CCN5: variants seen among roughly 807,000 people sequenced by gnomAD.
CCN5 encodes cellular communication network factor 5.
In CCN5, 17 loss-of-function variants were observed where a neutral mutation model predicts 18.7. The observed-to-expected ratio is 0.91, with a 90% CI of 0.62 to 1.36. The LOEUF (loss-of-function observed/expected upper bound fraction) is 1.36. Ranked by LOEUF, CCN5 falls within the 40% of genes most tolerant of loss-of-function variation. The pLI, the probability that CCN5 is intolerant of heterozygous loss-of-function variation, is 0.00. For missense variants in CCN5, 367 were observed against 342.9 expected (o/e 1.07, Z -0.56); for synonymous variants, 135 against 145.2 (o/e 0.93, Z 0.50).
upstream of CCN5, chr20:44,715,253 G>GTT (rs2065848468): frequency 2.0e-5 from 9 of 439,444 alleles, no homozygotes; most frequent in Non-Finnish European, 3.2e-5. Flanking sequence ...GTGTGTGTGT[G>GTT]TGTGTGTGAG....
intron 2 of CCN5, chr20:44,720,317 A>C: frequency 1.7e-6 from 1 of 602,954 alleles, no homozygotes; most frequent in Non-Finnish European, 2.9e-6. Context: ...AAACCATCTC[A>C]CTACCCCAAT....
chr20:44,717,938 A>G (rs1266323709), intron 1 of CCN5, among the ~76,000 whole-genome samples: 53 of 152,136 alleles, frequency 3.5e-4, no homozygotes, highest in Admixed American at 3.5e-3. Context: ...CGGATTTATT[A>G]TATAAAAATT....
chr20:44,724,630 C>G, intron 2 of CCN5, 108 bp from the exon 3 acceptor site: 1 of 1,532,062 alleles, frequency 6.5e-7, no homozygotes, highest in Non-Finnish European at 8.8e-7. Context: ...TGGGCAGGGC[C>G]CAGCTACTGT....
At chr20:44,724,712 A>C in intron 2 of CCN5, 26 bp from the exon 3 acceptor site, 1 of 1,611,390 alleles carries the variant, frequency 6.2e-7, no homozygotes, top group African/African-American at 1.3e-5. Flanking sequence ...CGGGTCACCG[A>C]TGGGGGTGCG....
At chr20:44,716,388 G>A (rs149174430) in intron 1 of CCN5, among the ~76,000 whole-genome samples, 77 of 152,338 alleles carry the variant, frequency 5.1e-4, no homozygotes, top group African/African-American at 1.8e-3. Flanking sequence ...TGAGGAGCAC[G>A]GGCAGGAGCT....
intron 2 of CCN5, among the ~76,000 whole-genome samples, chr20:44,722,934 C>T (rs560652438): frequency 6.6e-6 from 1 of 152,202 alleles, no homozygotes; most frequent in Non-Finnish European, 1.5e-5. Context: ...TGTCGTTGCC[C>T]CTGGTCTATT....
chr20:44,724,070 T>C (rs2065918458), intron 2 of CCN5: 1 of 152,198 alleles, frequency 6.6e-6, no homozygotes, highest in Non-Finnish European at 1.5e-5. Flanking sequence ...ACCTAGGCCA[T>C]GCCTAGCACT....
In CCN5 at chr20:44,720,272, C is replaced by T. The variant is rs2065890290; in HGVS notation, c.277+159C>T. 6.7e-6 allele frequency: 5 copies of T among 746,238 alleles called. No homozygotes were observed. In the East Asian group the frequency reaches 1.4e-4, roughly 21 times the overall value. 46.2% of individuals were successfully genotyped at this position (746,238 alleles called of 1,614,324 possible). A position where few individuals can be genotyped will look rare whatever the true frequency, so the allele number is the denominator to read the frequency against. On this transcript the variant is annotated intron_variant, in intron 2 of 3. Coordinates refer to ENST00000190983, the MANE Select transcript of CCN5 (RefSeq NM_003881.4). ...TGAACTTGGTGTCCCAAAGCCCACT[C>T]CCCACTCCCTCCTCTCCCTTCTTGG...
At chr20:44,715,583 A>G (rs745430672) in intron 1 of CCN5, 133 bp downstream of exon 1, 74 of 976,600 alleles carry the variant, frequency 7.6e-5, no homozygotes, top group Non-Finnish European at 1.1e-4. Flanking sequence ...TCTGGCCCCC[A>G]TGCCTAAGCA....
chr20:44,727,459 C>T lies in CCN5; in HGVS notation c.*152C>T, dbSNP rs778824284. ...CCACCATGCAGAACACCAATATTAA[C>T]ACGCTGCCTGGTCTGTCTGGATCCC... On this transcript the variant is annotated 3_prime_UTR_variant, in exon 4 of 4. Transcript: ENST00000190983. The T allele has an allele frequency of 7.0e-7, 1 of 1,437,524 alleles. No individual in the cohort carries two copies. The highest frequency in any genetic ancestry group is 9.2e-7 in the Non-Finnish European group (1 of 1,090,512). The allele number at this position is 1,437,524 out of a possible 1,614,324, so 89.0% of individuals were successfully genotyped here. A position where few individuals can be genotyped will look rare whatever the true frequency, so the allele number is the denominator to read the frequency against.
rs755640038 is a variant in CCN5 at position 44,727,215 on chromosome 20, C to T, written c.661C>T (p.Arg221Cys). 28 of 1,613,628 alleles carry T rather than the reference C, an allele frequency of 1.7e-5. No homozygotes were observed. Among genetic ancestry groups the T allele is most frequent in the Non-Finnish European group, 2.2e-5 (26 of 1,180,020 alleles). The change falls in exon 4 of 4, where the codon CGC becomes TGC. Residue 221 changes from arginine to cysteine, a missense_variant. Physicochemically the swap from Arg to Cys is radical, Grantham distance 180. Coordinates refer to ENST00000190983, the MANE Select transcript of CCN5 (RefSeq NM_003881.4). The stretch of plus-strand genomic sequence containing the variant: ...GGCCACCCGGGTGTCCAACCAGAAC[C>T]GCTTCTGCCGACTGGAGACCCAGCG... ...GMATRVSNQNRFCRLETQRRL... is the reference protein window; with the variant it reads ...GMATRVSNQNCFCRLETQRRL...
intron 3 of CCN5, among the ~76,000 whole-genome samples, chr20:44,726,595 G>T (rs2065937543): frequency 6.6e-6 from 1 of 152,020 alleles, no homozygotes; most frequent in African/African-American, 2.4e-5. Context: ...CCCTAGTTGA[G>T]GACTTCTAGT....
chr20:44,719,262 T>C (rs1018042196), intron 1 of CCN5, among the ~76,000 whole-genome samples: 3 of 152,178 alleles, frequency 2.0e-5, no homozygotes, highest in African/African-American at 7.2e-5. Flanking sequence ...CATGTACTCC[T>C]CAGAGCAATC....
chr20:44,720,805 GAT>G (rs2065893971), intron 2 of CCN5: 2 of 152,282 alleles, frequency 1.3e-5, no homozygotes, highest in African/African-American at 4.8e-5. Context: ...GGTATTCTCT[GAT>G]GCTTCGGGGC....
At chr20:44,723,464 A>G (rs1667201922) in intron 2 of CCN5, among the ~76,000 whole-genome samples, 1 of 152,058 alleles carries the variant, frequency 6.6e-6, no homozygotes, top group Non-Finnish European at 1.5e-5. Context: ...CCCAGGCCCC[A>G]CAAGTGGGAG....
At chr20:44,721,892 G>A (rs1486104359) in intron 2 of CCN5, among the ~76,000 whole-genome samples, 5 of 152,194 alleles carry the variant, frequency 3.3e-5, no homozygotes, top group Non-Finnish European at 5.9e-5. Context: ...GCTCATAAGC[G>A]GCAGAGCTGA....
intron 2 of CCN5, chr20:44,721,511 CAAAAAAAAAAAAA>C (rs59320118): frequency 3.7e-5 from 2 of 53,634 alleles, no homozygotes; most frequent in East Asian, 6.4e-4. Context: ...ACCCTATCTC[CAAAAAAAAAAAAA>C]AAAAAAAAAA....
intron 3 of CCN5, among the ~76,000 whole-genome samples, chr20:44,725,892 A>G (rs538995345): frequency 1.3e-5 from 2 of 152,238 alleles, no homozygotes; most frequent in African/African-American, 4.8e-5. Context: ...AAATTATCAC[A>G]TGAATGTGAC....
intron 2 of CCN5, 28 bp from the exon 3 acceptor site, chr20:44,724,710 C>G: frequency 1.2e-6 from 2 of 1,611,328 alleles, no homozygotes; most frequent in Non-Finnish European, 1.7e-6. Context: ...TGCGGGTCAC[C>G]GATGGGGGTG....
Sources: gnomAD v4.1 joint callset for allele counts (sites outside exome capture counted in the v4.1 genomes callset) on GRCh38, gnomAD v4.1.1 for gene constraint, MANE v1.5 for transcripts, NCBI Gene and HGNC (gene_info 2026-07-23, HGNC 2026-07-21) for gene names.